The following LGR4 variants were observed in gnomAD, a reference collection of about 807,000 sequenced individuals.
LGR4 encodes the protein leucine-rich repeat-containing G protein-coupled receptor 4.
LGR4 carries 44 observed loss-of-function variants against 84.8 expected under a neutral mutation model. The observed-to-expected ratio is 0.52, with a 90% CI of 0.41 to 0.67. The LOEUF is 0.67. Among genes scored for constraint, LGR4 ranks in the 30% least tolerant of loss-of-function variants. The probability of loss-of-function intolerance (pLI) is 0.00; values close to 1 mark genes in which losing one functional copy is unlikely to be tolerated. For missense variants in LGR4, 1,032 were observed against 1,131.4 expected (o/e 0.91, Z 1.26); for synonymous variants, 429 against 434.3 (o/e 0.99, Z 0.15).
At chr11:27,399,397 C>G (rs560656139) in intron 2 of LGR4, among the ~76,000 whole-genome samples, 1 of 152,270 alleles carries the variant, frequency 6.6e-6, no homozygotes, top group African/African-American at 2.4e-5. Context: ...ATGATACTGC[C>G]TCCAGAGAAA....
At chr11:27,417,562 T>C (rs1863844628) in intron 1 of LGR4, among the ~76,000 whole-genome samples, 1 of 152,188 alleles carries the variant, frequency 6.6e-6, no homozygotes, top group South Asian at 2.1e-4. Context: ...CAAAGTTCAT[T>C]AAGAATTTGA....
At chr11:27,468,347 T>C (rs1864816639) in intron 1 of LGR4, among the ~76,000 whole-genome samples, 1 of 152,182 alleles carries the variant, frequency 6.6e-6, no homozygotes, top group Non-Finnish European at 1.5e-5. Context: ...GTGATTTTAT[T>C]TTCCAAGTGT....
chr11:27,398,015 G>T (rs1455472967), intron 2 of LGR4, among the ~76,000 whole-genome samples: 8 of 152,230 alleles, frequency 5.3e-5, no homozygotes, highest in Non-Finnish European at 1.2e-4. Context: ...AAGTGGCTCA[G>T]TGTGCAATGT....
At chr11:27,387,974 C>T (rs1816736710) in intron 4 of LGR4, among the ~76,000 whole-genome samples, 1 of 152,102 alleles carries the variant, frequency 6.6e-6, no homozygotes, top group Non-Finnish European at 1.5e-5. Context: ...ATAGCCTTAA[C>T]TTACTGCTAG....
chr11:27,373,919 G>T, intron 14 of LGR4, 56 bp downstream of exon 14: 1 of 1,225,702 alleles, frequency 8.2e-7, no homozygotes, highest in Non-Finnish European at 1.2e-6. Context: ...TAAAACAGAT[G>T]TTTCTATAGC....
chr11:27,429,853 G>C (rs557950470), intron 1 of LGR4, among the ~76,000 whole-genome samples: 1 of 152,254 alleles, frequency 6.6e-6, no homozygotes, highest in South Asian at 2.1e-4. Context: ...GACTGCCTGA[G>C]GTGGAATTGC....
chr11:27,386,296 C>T (rs913814278), intron 4 of LGR4, among the ~76,000 whole-genome samples: 5 of 152,150 alleles, frequency 3.3e-5, no homozygotes, highest in African/African-American at 1.2e-4. Context: ...TTATTGTTGG[C>T]ACAACAAGAT....
chr11:27,433,784 G>A (rs1183708802), intron 1 of LGR4, among the ~76,000 whole-genome samples: 1 of 152,174 alleles, frequency 6.6e-6, no homozygotes, highest in Non-Finnish European at 1.5e-5. Context: ...ACAGTGTGGT[G>A]GTTCAACTTC....
chr11:27,460,991 C>T (rs904113805), intron 1 of LGR4, among the ~76,000 whole-genome samples: 12 of 151,870 alleles, frequency 7.9e-5, no homozygotes, highest in African/African-American at 2.7e-4. Flanking sequence ...CTACTGCATA[C>T]GTTAGCTACT....
intron 1 of LGR4, among the ~76,000 whole-genome samples, chr11:27,424,835 G>GC (rs2133413493): frequency 6.6e-6 from 1 of 152,258 alleles, no homozygotes; most frequent in African/African-American, 2.4e-5. Context: ...TGCAGCCTCT[G>GC]CCTCCCGGTT....
chr11:27,384,442 A>G (rs1334009400), intron 5 of LGR4, 35 bp from the exon 6 acceptor site: 1 of 1,404,248 alleles, frequency 7.1e-7, no homozygotes, highest in Non-Finnish European at 1.0e-6. Context: ...TGACTTTTCC[A>G]TCTCCCATTG....
At position 27,463,893 on chromosome 11, in the gene LGR4, C is replaced by T. The variant is rs975627897; in HGVS notation, c.185+8225G>A. On this transcript the variant is annotated intron_variant, in intron 1 of 17. Coordinates refer to ENST00000379214, the MANE Select transcript of LGR4 (RefSeq NM_018490.5). ...CTCTGATTAAATTAAGTAAGAATTC[C>T]GCGTACACTTCAACTTGTGTGAGAG... 6.6e-5 allele frequency among the ~76,000 whole-genome samples: 10 copies of T among 152,054 alleles called. 1 individual carries two copies. The highest frequency in any genetic ancestry group is 4.2e-4 in the South Asian group (2 of 4,812).
intron 1 of LGR4, among the ~76,000 whole-genome samples, chr11:27,440,009 G>T (rs975946390): frequency 1.3e-5 from 2 of 150,250 alleles, no homozygotes; most frequent in Non-Finnish European, 2.9e-5. Context: ...AGGTTCAAGC[G>T]ATTCTCCCAC....
chr11:27,382,864 A>C (rs2133371138), intron 6 of LGR4, among the ~76,000 whole-genome samples: 1 of 152,246 alleles, frequency 6.6e-6, no homozygotes, highest in South Asian at 2.1e-4. Flanking sequence ...TAAAAATACC[A>C]AAATTAGCAG....
At chr11:27,399,582 T>C in intron 2 of LGR4, among the ~76,000 whole-genome samples, 1 of 151,680 alleles carries the variant, frequency 6.6e-6, no homozygotes, top group African/African-American at 2.4e-5. Flanking sequence ...TGCAGTGGCG[T>C]GATCTCTGCT....
Position 27,369,170 on chromosome 11 carries a change from GA to G in LGR4, c.1580-28del, listed in dbSNP as rs769343247. The G allele has an allele frequency of 3.9e-5, 59 of 1,498,344 alleles. No individual in the cohort carries two copies. In the Middle Eastern group the frequency reaches 2.5e-3, roughly 63 times the overall value. 92.8% of individuals were successfully genotyped at this position (1,498,344 alleles called of 1,614,324 possible). A position where few individuals can be genotyped will look rare whatever the true frequency, so the allele number is the denominator to read the frequency against. ...TAAAAAAAACACACACAGAGAGAGAGAAATAAAAGATAACTTAGAAAACAAT... is the reference window on the plus strand; with the variant it reads ...TAAAAAAAACACACACAGAGAGAGAGAATAAAAGATAACTTAGAAAACAAT... On this transcript the variant is annotated intron_variant, in intron 17 of 17. Coordinates refer to ENST00000379214, the MANE Select transcript of LGR4 (RefSeq NM_018490.5).
intron 1 of LGR4, among the ~76,000 whole-genome samples, chr11:27,443,566 T>A (rs370871913): frequency 2.0e-5 from 3 of 152,316 alleles, no homozygotes; most frequent in African/African-American, 7.2e-5. Flanking sequence ...TATCTTTACA[T>A]AACTTTAAGG....
At position 27,467,566 on chromosome 11, in the gene LGR4, CA is replaced by C. The variant is rs761925670; in HGVS notation, c.185+4551del. Among the ~76,000 whole-genome samples, 481 of 51,816 alleles carry C rather than the reference CA, an allele frequency of 9.3e-3. 4 individuals are homozygous for C. Among genetic ancestry groups the C allele is most frequent in the South Asian group, 0.028 (49 of 1,732 alleles). The allele number at this position is 51,816 out of a possible 152,430, so 34.0% of individuals were successfully genotyped here. On this transcript the variant is annotated intron_variant, in intron 1 of 17. Transcript: ENST00000379214. ...TGGGCAACAGCGCAAGAGTCCGTCT[CA>C]AAAAAAAAAAAAAAATCAAATTAAA...
rs989373466 is a variant in LGR4, at chr11:27,472,719, A to C, written c.-417T>G. On this transcript the variant is annotated 5_prime_UTR_variant, in exon 1 of 18. Transcript: ENST00000379214. ...CCGTGGCTCTCGCACAAACACCCAG[A>C]CTCTGGCTCGCTGTCTCCCAGCCGC... 9 of 358,842 alleles carry C rather than the reference A, an allele frequency of 2.5e-5. No homozygotes were observed. The highest frequency in any genetic ancestry group is 8.6e-5 in the African/African-American group (4 of 46,570). The allele number at this position is 358,842 out of a possible 1,614,324, so 22.2% of individuals were successfully genotyped here.
Sources: allele counts gnomAD v4.1 joint callset (sites outside exome capture counted in the v4.1 genomes callset), GRCh38; gene constraint gnomAD v4.1.1; transcripts MANE v1.5; gene names NCBI Gene and HGNC (gene_info 2026-07-23, HGNC 2026-07-21).